ANKAR: variants seen among roughly 807,000 people sequenced by gnomAD.
ANKAR encodes ankyrin and armadillo repeat containing.
Under a neutral mutation model 146.2 loss-of-function variants are expected in ANKAR, and 136 were observed. The ratio of observed to expected loss-of-function variants is 0.93; its 90% confidence interval spans 0.81 to 1.07. ANKAR has a LOEUF of 1.07. Among genes scored for constraint, ANKAR ranks in the 50% least tolerant of loss-of-function variants. ANKAR has a pLI of 0.00. For synonymous variants in ANKAR, 500 were observed against 575.8 expected (o/e 0.87, Z 1.88); for missense variants, 1,567 against 1,679.9 (o/e 0.93, Z 1.18).
chr2:189,743,555 A>AGTTCCTCTTGTT, intron 21 of ANKAR, 81 bp downstream of exon 21: 1 of 1,265,186 alleles, frequency 7.9e-7, no homozygotes, highest in Non-Finnish European at 1.1e-6. Context: ...ATCCAACAAG[A>AGTTCCTCTTGTT]GGAACTATTC....
chr2:189,746,365 GT>G lies in ANKAR; in HGVS notation c.4058-14del. The G allele has an allele frequency of 8.8e-6, 14 of 1,593,352 alleles. No individual in the cohort carries two copies. Among genetic ancestry groups the G allele is most frequent in the Non-Finnish European group, 1.2e-5 (14 of 1,173,384 alleles). ...GGGCTCTCAGGAGAGACATTTAATT[GT>G]GGCTAATTTTTAGGGAAGGAGCACC... On this transcript the variant is annotated splice_polypyrimidine_tract_variant and intron_variant, in intron 22 of 22. Transcript: ENST00000684021.
chr2:189,754,256 A>G, intron 18 of ANKAR: 1 of 1,613,782 alleles, frequency 6.2e-7, no homozygotes, highest in Middle Eastern at 1.6e-4. Context: ...AATGAAATCT[A>G]TTTCCTTGTT....
chr2:189,695,163 T>C lies in ANKAR; in HGVS notation c.1488+2T>C, dbSNP rs765270498. The C allele has an allele frequency of 1.4e-5, 23 of 1,596,304 alleles. No individual in the cohort carries two copies. In the Admixed American group the frequency reaches 1.6e-4, roughly 11 times the overall value. ...TTCAAAAGAGCTATGAAATGCAAGG[T>C]ATTTCAGTGACTACCACATAATTTA... is the stretch of plus-strand genomic sequence containing the variant. On this transcript the variant is annotated splice_donor_variant, in intron 6 of 22. Coordinates refer to ENST00000684021, the MANE Select transcript of ANKAR (RefSeq NM_001378068.1). LOFTEE classifies it high-confidence loss of function.
At position 189,696,140 on chromosome 2, in the gene ANKAR, T is replaced by C. The variant is rs747670931; in HGVS notation, c.1489-10T>C. ...TTTTGATAAACTGATTCTGGCCTTC[T>C]TAATTTTAGAGTATTCCATTTGGTA... On this transcript the variant is annotated splice_polypyrimidine_tract_variant and intron_variant, in intron 6 of 22. Transcript: ENST00000684021. 1 of 1,612,368 alleles carries C rather than the reference T, an allele frequency of 6.2e-7. No homozygotes were observed. The highest frequency in any genetic ancestry group is 1.1e-5 in the South Asian group (1 of 90,786).
intron 11 of ANKAR, 114 bp downstream of exon 11, chr2:189,719,927 C>T (rs2041033185): frequency 8.3e-6 from 10 of 1,202,798 alleles, no homozygotes; most frequent in East Asian, 2.6e-5. Flanking sequence ...GGGAAGAATA[C>T]AGCAGGGAAA....
Position 189,711,155 on chromosome 2 carries a change from T to C in ANKAR, c.2224+2T>C. 1 of 1,601,512 alleles carries C rather than the reference T, an allele frequency of 6.2e-7. No individual in the cohort carries two copies. The highest frequency in any genetic ancestry group is 8.5e-7 in the Non-Finnish European group (1 of 1,170,046). On this transcript the variant is annotated splice_donor_variant, in intron 10 of 22. Transcript: ENST00000684021. LOFTEE classifies it high-confidence loss of function. ...ACTGGAGATGTATTTTGGATGCAGG[T>C]GATGCAAACTCTATTAATAACTTTT...
intron 10 of ANKAR, among the ~76,000 whole-genome samples, chr2:189,717,569 C>G (rs2040642955): frequency 6.6e-6 from 1 of 152,126 alleles, no homozygotes; most frequent in Non-Finnish European, 1.5e-5. Context: ...CCATTTGACC[C>G]AGCAATCCCA....
At chr2:189,754,183 G>A (rs1301750607) in intron 18 of ANKAR, 1 of 1,613,754 alleles carries the variant, frequency 6.2e-7, no homozygotes. Context: ...TCAGTAACGT[G>A]TTGAAGTCCA....
At chr2:189,756,019 ATAAC>A (rs1466591871) in intron 18 of ANKAR, among the ~76,000 whole-genome samples, 1 of 152,212 alleles carries the variant, frequency 6.6e-6, no homozygotes, top group Non-Finnish European at 1.5e-5. Flanking sequence ...AAGAACTATA[ATAAC>A]TAACTGAATA....
intron 10 of ANKAR, among the ~76,000 whole-genome samples, chr2:189,712,232 G>T (rs2039800326): frequency 6.6e-6 from 1 of 152,240 alleles, no homozygotes; most frequent in Non-Finnish European, 1.5e-5. Context: ...TGACAGCTCT[G>T]AAGAGAGCAG....
chr2:189,746,381 G>A lies in ANKAR; in HGVS notation c.4059G>A (p.Gly1353=), dbSNP rs1455302360. 2 of 1,601,236 alleles carry A rather than the reference G, an allele frequency of 1.2e-6. No individual in the cohort carries two copies. Among genetic ancestry groups the A allele is most frequent in the South Asian group, 1.1e-5 (1 of 88,176 alleles). Residue 1353 remains glycine (G), a splice_region_variant and synonymous_variant, in exon 23 of 23, where the codon GGG becomes GGA. Transcript: ENST00000684021. Reference sequence around the variant, plus strand: ...CATTTAATTGTGGCTAATTTTTAGGGAAGGAGCACCGAAGAAAATTAAAAC... The same window carrying A: ...CATTTAATTGTGGCTAATTTTTAGGAAAGGAGCACCGAAGAAAATTAAAAC... ...GPSIIPIFKR[G]KEHRRKLKPK... is the part of the protein sequence containing the mutation.
At chr2:189,696,078 T>TC in intron 6 of ANKAR, 72 bp from the exon 7 acceptor site, 1 of 1,288,370 alleles carries the variant, frequency 7.8e-7, no homozygotes. Context: ...TTAATACACT[T>TC]CATGTATTTT....
At chr2:189,720,931 A>AAC in intron 12 of ANKAR, 144 bp downstream of exon 12, 1 of 565,094 alleles carries the variant, frequency 1.8e-6, no homozygotes, top group Non-Finnish European at 2.8e-6. Context: ...TAATATCCAA[A>AAC]ACACAATTTA....
chr2:189,692,308 T>G lies in ANKAR; in HGVS notation c.1093T>G (p.Phe365Val). Residue 365 changes from phenylalanine (F) to valine (V), a missense_variant, in exon 4 of 23, where the codon TTT becomes GTT. Physicochemically the swap from Phe to Val is conservative, Grantham distance 50. Coordinates refer to ENST00000684021, the MANE Select transcript of ANKAR (RefSeq NM_001378068.1). Reference protein sequence around the residue: ...ELPPFIYGRDFKCQNFHYKEN... With the variant: ...ELPPFIYGRDVKCQNFHYKEN... ...GCCTCCATTTATTTATGGAAGAGAT[T>G]TTAAATGCCAGAATTTTCACTACAA... 6.2e-7 allele frequency: 1 copy of G among 1,613,292 alleles called. No homozygotes were observed. Among genetic ancestry groups the G allele is most frequent in the Non-Finnish European group, 8.5e-7 (1 of 1,179,740 alleles).
Position 189,712,419 on chromosome 2 carries a change from A to ATTTGCTGTTCTGCAATT in ANKAR, c.2224+1281_2224+1297dup, listed in dbSNP as rs549262545. ...TCCAAAGGAATGATCAGGCAGCAAT[A>ATTTGCTGTTCTGCAATT]TTTGCTGTTCTGCAATTTTTGCTGT... On this transcript the variant is annotated intron_variant, in intron 10 of 22. Transcript: ENST00000684021. 6.1e-3 allele frequency among the ~76,000 whole-genome samples: 928 copies of ATTTGCTGTTCTGCAATT among 152,186 alleles called. 17 individuals carry two copies. The highest frequency in any genetic ancestry group is 0.021 in the African/African-American group (864 of 41,494).
intron 7 of ANKAR, among the ~76,000 whole-genome samples, chr2:189,702,453 T>C (rs2038214489): frequency 6.6e-6 from 1 of 152,208 alleles, no homozygotes; most frequent in African/African-American, 2.4e-5. Flanking sequence ...ACTCCAGTAA[T>C]GATTCCTTAG....
intron 7 of ANKAR, among the ~76,000 whole-genome samples, chr2:189,701,655 A>G (rs1239176316): frequency 2.0e-5 from 3 of 152,160 alleles, no homozygotes; most frequent in Non-Finnish European, 4.4e-5. Flanking sequence ...TATCTGTAGC[A>G]TGTCATTTTG....
Position 189,738,696 on chromosome 2 carries a change from A to G in ANKAR, c.3700+14A>G. ...TTGTCTTGACAGGTAAGAAATGACT[A>G]GAAGTTAATTTTAGCCACATAAAAC... is the stretch of plus-strand genomic sequence containing the variant. On this transcript the variant is annotated intron_variant, in intron 19 of 22. Coordinates refer to ENST00000684021, the MANE Select transcript of ANKAR (RefSeq NM_001378068.1). 2 of 1,492,944 alleles carry G rather than the reference A, an allele frequency of 1.3e-6. No homozygotes were observed. Among genetic ancestry groups the G allele is most frequent in the South Asian group, 1.2e-5 (1 of 83,566 alleles). The allele number at this position is 1,492,944 out of a possible 1,614,324, so 92.5% of individuals were successfully genotyped here. A position where few individuals can be genotyped will look rare whatever the true frequency, so the allele number is the denominator to read the frequency against.
intron 15 of ANKAR, 136 bp from the exon 16 acceptor site, chr2:189,730,359 A>G: frequency 2.3e-6 from 1 of 426,786 alleles, no homozygotes; most frequent in East Asian, 3.6e-5. Flanking sequence ...AATAGTGTCA[A>G]TATAGCATAC....
Sources: gnomAD v4.1 joint callset for allele counts (sites outside exome capture counted in the v4.1 genomes callset) on GRCh38, gnomAD v4.1.1 for gene constraint, MANE v1.5 for transcripts, NCBI Gene and HGNC (gene_info 2026-07-23, HGNC 2026-07-21) for gene names.